ZMYND11: variants seen among roughly 807,000 people sequenced by gnomAD.
ZMYND11 encodes the protein zinc finger MYND domain-containing protein 11.
Under a neutral mutation model 84.9 loss-of-function variants are expected in ZMYND11, and 9 were observed. The observed-to-expected ratio is 0.11, with a 90% CI of 0.06 to 0.18. The LOEUF is 0.18. Ranked by LOEUF, ZMYND11 falls within the 10% of genes least tolerant of loss-of-function variation. The pLI is 1.00. For synonymous variants in ZMYND11, 250 were observed against 244.1 expected, an observed-to-expected ratio of 1.02 and a Z score of -0.23; for missense variants, 409 against 761.0, an observed-to-expected ratio of 0.54 and a Z score of 5.44.
At chr10:224,594 G>A (rs997839641) in intron 4 of ZMYND11, among the ~76,000 whole-genome samples, 1 of 152,242 alleles carries the variant, frequency 6.6e-6, no homozygotes, top group African/African-American at 2.4e-5. Context: ...CCCAGAAACC[G>A]TATTCCATAG....
rs139307124 is a variant in ZMYND11, at chr10:180,455, G to A, written c.116+327G>A. Among the ~76,000 whole-genome samples the A allele has an allele frequency of 4.0e-3, 604 of 152,244 alleles. 10 individuals carry two copies. Among genetic ancestry groups the A allele is most frequent in the African/African-American group, 0.014 (572 of 41,556 alleles). On this transcript the variant is annotated intron_variant, in intron 2 of 14. Coordinates refer to ENST00000381604, the MANE Select transcript of ZMYND11 (RefSeq NM_001370100.5). ...CATTCTGTTGCCCAGGCTGGAGTGT[G>A]GTGACCCGATCTCAGCTCATGGCAA...
At chr10:151,200 AAC>A (rs1409492969) in intron 1 of ZMYND11, among the ~76,000 whole-genome samples, 1 of 152,228 alleles carries the variant, frequency 6.6e-6, no homozygotes, top group Non-Finnish European at 1.5e-5. Flanking sequence ...CCAGCGACAG[AAC>A]AAAGCTGGAT....
At chr10:235,157 AAT>A (rs1949737743) in intron 4 of ZMYND11, among the ~76,000 whole-genome samples, 1 of 152,220 alleles carries the variant, frequency 6.6e-6, no homozygotes, top group African/African-American at 2.4e-5. Context: ...TGTCAATTAA[AAT>A]TTTTACAAAG....
intron 1 of ZMYND11, among the ~76,000 whole-genome samples, chr10:172,873 A>G (rs1845682227): frequency 6.6e-6 from 1 of 152,178 alleles, no homozygotes; most frequent in Admixed American, 6.5e-5. Context: ...ACAATGTGGC[A>G]TTGGTGACAG....
intron 2 of ZMYND11, among the ~76,000 whole-genome samples, chr10:200,325 T>C (rs927045450): frequency 3.7e-5 from 5 of 133,764 alleles, no homozygotes; most frequent in African/African-American, 1.4e-4. Context: ...TAACATATAA[T>C]ATGTATTATA....
intron 7 of ZMYND11, 70 bp from the exon 8 acceptor site, chr10:239,986 A>G: frequency 7.3e-7 from 1 of 1,362,582 alleles, no homozygotes; most frequent in South Asian, 1.3e-5. Flanking sequence ...AACTGAAAGA[A>G]AAGGATAGTA....
intron 4 of ZMYND11, among the ~76,000 whole-genome samples, chr10:226,866 A>G (rs1021309545): frequency 2.6e-5 from 4 of 152,188 alleles, no homozygotes; most frequent in Non-Finnish European, 5.9e-5. Context: ...AAAAGGATCA[A>G]ATTAAGTCAC....
chr10:223,659 T>TCTTG (rs1947554808), intron 4 of ZMYND11, among the ~76,000 whole-genome samples: 1 of 152,216 alleles, frequency 6.6e-6, no homozygotes, highest in South Asian at 2.1e-4. Context: ...TTATTCATTT[T>TCTTG]AGATCCATTC....
Position 248,488 on chromosome 10 carries a change from C to T in ZMYND11, c.1380C>T (p.Asp460=), listed in dbSNP as rs777467360. Residue 460 remains aspartate, a synonymous_variant, in exon 13 of 15, where the codon GAC becomes GAT. Coordinates refer to ENST00000381604, the MANE Select transcript of ZMYND11 (RefSeq NM_001370100.5). ...MLHRSTQTTN[D]GVCQSMCHDK... Reference sequence around the variant, plus strand: ...ATCGGAGCACCCAGACCACAAACGACGGCGTGTGTCAGAGCATGTGCCATG... The same window carrying T: ...ATCGGAGCACCCAGACCACAAACGATGGCGTGTGTCAGAGCATGTGCCATG... 2.9e-5 allele frequency: 46 copies of T among 1,614,026 alleles called. No homozygotes were observed. Among genetic ancestry groups the T allele is most frequent in the Non-Finnish European group, 3.7e-5 (44 of 1,180,050 alleles).
intron 2 of ZMYND11, among the ~76,000 whole-genome samples, chr10:193,062 C>A (rs970165454): frequency 2.6e-5 from 4 of 152,178 alleles, no homozygotes; most frequent in Non-Finnish European, 5.9e-5. Flanking sequence ...TCAATCTCTT[C>A]TGCCTAATGT....
intron 4 of ZMYND11, among the ~76,000 whole-genome samples, chr10:227,518 A>C (rs1948336635): frequency 2.3e-5 from 2 of 88,130 alleles, no homozygotes; most frequent in South Asian, 7.2e-4. Context: ...AGCCATTTGT[A>C]CTGTAACTTT....
intron 2 of ZMYND11, 135 bp downstream of exon 2, chr10:180,263 GTAT>G (rs1312207406): frequency 7.0e-6 from 4 of 572,754 alleles, no homozygotes; most frequent in Middle Eastern, 3.6e-4. Flanking sequence ...CTTTGCAGGA[GTAT>G]TATTAGAAAA....
intron 8 of ZMYND11, among the ~76,000 whole-genome samples, chr10:240,382 T>C (rs572046630): frequency 8.1e-4 from 124 of 152,276 alleles, no homozygotes; most frequent in Non-Finnish European, 1.3e-3. Flanking sequence ...TGTACGCCTG[T>C]AGTCCCAGCT....
At chr10:249,456 A>C in intron 14 of ZMYND11, 1 of 985,236 alleles carries the variant, frequency 1.0e-6, no homozygotes, top group Non-Finnish European at 1.2e-6. Context: ...TGAAATTATA[A>C]ATGTAATTAT....
intron 1 of ZMYND11, among the ~76,000 whole-genome samples, chr10:136,173 T>TG (rs1417642012): frequency 6.6e-6 from 1 of 151,968 alleles, no homozygotes; most frequent in Non-Finnish European, 1.5e-5. Context: ...GACAGTCCTG[T>TG]GGGGTCCGCC....
At chr10:225,001 A>AGGAAAAAAATAAGAAAATCATACTCTTTT (rs1442468959) in intron 4 of ZMYND11, among the ~76,000 whole-genome samples, 1 of 152,230 alleles carries the variant, frequency 6.6e-6, no homozygotes. Context: ...TGAATTTTCC[A>AGGAAAAAAATAAGAAAATCATACTCTTTT]GGAAAAAAAT....
chr10:131,908 C>T (rs1554749998), upstream of ZMYND11, among the ~76,000 whole-genome samples: 1 of 152,128 alleles, frequency 6.6e-6, no homozygotes, highest in Non-Finnish European at 1.5e-5. Flanking sequence ...TGAATGGTAA[C>T]TGCTGTTACA....
chr10:206,712 A>T (rs1456071213), intron 2 of ZMYND11, among the ~76,000 whole-genome samples: 2 of 152,192 alleles, frequency 1.3e-5, no homozygotes, highest in African/African-American at 4.8e-5. Flanking sequence ...TACTAAAAAG[A>T]CAAACATGTC....
At chr10:196,344 C>T (rs547663299) in intron 2 of ZMYND11, among the ~76,000 whole-genome samples, 16 of 152,198 alleles carry the variant, frequency 1.1e-4, no homozygotes, top group Non-Finnish European at 1.9e-4. Flanking sequence ...AATTTTATAT[C>T]GAAGTGAAAG....
Sources: allele counts gnomAD v4.1 joint callset (sites outside exome capture counted in the v4.1 genomes callset), GRCh38; gene constraint gnomAD v4.1.1; transcripts MANE v1.5; gene names NCBI Gene and HGNC (gene_info 2026-07-23, HGNC 2026-07-21).